The following ZNF428 variants were observed in gnomAD, a reference collection of about 807,000 sequenced individuals.
The protein encoded by ZNF428 is enzyme-like protein PIT13.
In ZNF428, 5 loss-of-function variants were observed where a neutral mutation model predicts 15.6. The observed-to-expected ratio is 0.32, with a 90% CI of 0.17 to 0.67. ZNF428 has a LOEUF of 0.67. ZNF428 is among the 30% of genes least tolerant of loss of function. The pLI, the probability that ZNF428 is intolerant of heterozygous loss-of-function variation, is 0.73. For synonymous variants in ZNF428, 97 were observed against 102.2 expected, an observed-to-expected ratio of 0.95 and a Z score of 0.31; for missense variants, 237 against 256.0, an observed-to-expected ratio of 0.93 and a Z score of 0.51.
chr19:43,613,749 G>A, intron 2 of ZNF428: 3 of 1,551,604 alleles, frequency 1.9e-6, no homozygotes, highest in Non-Finnish European at 2.6e-6. Flanking sequence ...AACAAGGAGA[G>A]AGATCGCAGC....
intron 2 of ZNF428, chr19:43,613,997 G>A (rs1973344018): frequency 1.3e-6 from 2 of 1,551,756 alleles, no homozygotes; most frequent in Non-Finnish European, 1.7e-6. Flanking sequence ...CCCCAGCAAA[G>A]AAGGAAATCA....
intron 1 of ZNF428, 117 bp from the exon 2 acceptor site, chr19:43,614,551 C>G (rs1046194480): frequency 1.1e-6 from 1 of 888,632 alleles, no homozygotes; most frequent in Non-Finnish European, 1.6e-6. Context: ...GACCCCAGCT[C>G]TGTCCCTGAC....
chr19:43,612,491 C>G lies in ZNF428; in HGVS notation c.76+1738G>C. On this transcript the variant is annotated intron_variant, in intron 2 of 2. Coordinates refer to ENST00000300811, the MANE Select transcript of ZNF428 (RefSeq NM_182498.4). The surrounding 1 kb of genome is among the most constrained non-coding windows in gnomAD (Gnocchi z 4.2). ...GGGCACACACAGCCGGGGTAGGACA[C>G]CTGGCAGAAGGGGAAGCCGCAGCTC... 6.4e-7 allele frequency: 1 copy of G among 1,551,352 alleles called. No homozygotes were observed.
chr19:43,617,922 C>T (rs1322069708), intron 1 of ZNF428, among the ~76,000 whole-genome samples: 2 of 151,822 alleles, frequency 1.3e-5, no homozygotes, highest in African/African-American at 2.4e-5. Flanking sequence ...AGCGCAGTAG[C>T]GCGATCTCGG....
chr19:43,607,841 A>G lies in ZNF428; in HGVS notation c.343T>C (p.Cys115Arg). 6.4e-7 allele frequency: 1 copy of G among 1,559,148 alleles called. No individual in the cohort carries two copies. Among genetic ancestry groups the G allele is most frequent in the Non-Finnish European group, 8.7e-7 (1 of 1,151,324 alleles). ...GCTTCCTGGGGGGCTGTAGCAGGGC[A>G]GCAGAGCCGGCAGGGTGGGGTTCCC... ...PPGTPPCRLC[C>R]PATAPQEAPA... The change falls in exon 3 of 3, where the codon TGC (cysteine) becomes CGC (arginine). Residue 115 changes from cysteine (C) to arginine (R), a missense_variant. Cys to Arg is a radical substitution (Grantham distance 180). Transcript: ENST00000300811. This position sits in a 1 kb window ranked among gnomAD's most constrained non-coding sequence, Gnocchi z 5.1.
chr19:43,612,067 C>T lies in ZNF428; in HGVS notation c.76+2162G>A. On this transcript the variant is annotated intron_variant, in intron 2 of 2. Transcript: ENST00000300811. The surrounding 1 kb of genome is among the most constrained non-coding windows in gnomAD (Gnocchi z 4.2). ...CAATCAGGTCATCGTCCACGGCTAC[C>T]AGGTGTTTCATGTCTACTGTGACTT... is the stretch of plus-strand genomic sequence containing the variant. The T allele has an allele frequency of 1.5e-6, 2 of 1,325,784 alleles. No individual in the cohort carries two copies. Among genetic ancestry groups the T allele is most frequent in the East Asian group, 2.5e-5 (1 of 39,788 alleles). The allele number at this position is 1,325,784 out of a possible 1,614,324, so 82.1% of individuals were successfully genotyped here.
At chr19:43,619,111 G>C (rs942811343) in intron 1 of ZNF428, among the ~76,000 whole-genome samples, 2 of 152,200 alleles carry the variant, frequency 1.3e-5, no homozygotes, top group African/African-American at 2.4e-5. Context: ...CTCGAGCAAA[G>C]AGACCAGGGC....
At chr19:43,616,300 T>C (rs986216926) in intron 1 of ZNF428, among the ~76,000 whole-genome samples, 1 of 151,810 alleles carries the variant, frequency 6.6e-6, no homozygotes. Flanking sequence ...CTATACTAGT[T>C]TGTGATTATC....
intron 1 of ZNF428, among the ~76,000 whole-genome samples, chr19:43,616,196 G>A (rs977060185): frequency 6.6e-6 from 1 of 152,138 alleles, no homozygotes; most frequent in Non-Finnish European, 1.5e-5. Context: ...CCACAAGGGG[G>A]GTCCAAAGTG....
intron 2 of ZNF428, among the ~76,000 whole-genome samples, chr19:43,608,940 C>CA (rs201526533): frequency 0.072 from 4,483 of 62,344 alleles, 98 homozygotes; most frequent in African/African-American, 0.11. Context: ...TAGAAAAAAG[C>CA]AAAAAAAAAA....
rs2005852 is a variant in ZNF428 at position 43,607,411 on chromosome 19, G to A, written c.*206C>T. On this transcript the variant is annotated 3_prime_UTR_variant, in exon 3 of 3. Transcript: ENST00000300811. The surrounding 1 kb of genome is among the most constrained non-coding windows in gnomAD (Gnocchi z 5.1). Reference sequence around the variant, plus strand: ...CACACACACAAACACACACACGGGCGGGAATACACACACACACACACACAC... The same window carrying A: ...CACACACACAAACACACACACGGGCAGGAATACACACACACACACACACAC... 3.7e-5 allele frequency: 20 copies of A among 545,300 alleles called. No homozygotes were observed. The highest frequency in any genetic ancestry group is 2.7e-4 in the Middle Eastern group (1 of 3,656). The allele number at this position is 545,300 out of a possible 1,614,324, so 33.8% of individuals were successfully genotyped here.
At chr19:43,608,206 T>C in intron 2 of ZNF428, 99 bp from the exon 3 acceptor site, 1 of 1,499,686 alleles carries the variant, frequency 6.7e-7, no homozygotes, top group South Asian at 1.3e-5. Context: ...CTTGCCATAG[T>C]ATGACAAGGA....
chr19:43,609,192 G>A (rs1266157048), intron 2 of ZNF428, among the ~76,000 whole-genome samples: 1 of 152,108 alleles, frequency 6.6e-6, no homozygotes, highest in Non-Finnish European at 1.5e-5. Context: ...GAGGCACAGG[G>A]AGGCTAGACG....
At chr19:43,619,256 T>C (rs1973410261) in intron 1 of ZNF428, among the ~76,000 whole-genome samples, 1 of 152,014 alleles carries the variant, frequency 6.6e-6, no homozygotes, top group Admixed American at 6.6e-5. Flanking sequence ...TCCAGGACGG[T>C]CAGCGGCAGG....
intron 1 of ZNF428, among the ~76,000 whole-genome samples, chr19:43,618,063 CT>C (rs1457534811): frequency 1.0e-5 from 1 of 96,692 alleles, no homozygotes; most frequent in Non-Finnish European, 1.9e-5. Flanking sequence ...GAGACGGAGT[CT>C]TGCTCTGTCG....
intron 2 of ZNF428, among the ~76,000 whole-genome samples, chr19:43,608,777 A>G (rs1055608358): frequency 1.3e-5 from 2 of 151,266 alleles, no homozygotes; most frequent in African/African-American, 2.4e-5. Flanking sequence ...AAAATACAAA[A>G]ATTAGCTGGG....
At chr19:43,609,359 G>GGAGAGAGAGAGAGAGAGAAAGAGAGAGA (rs369453719) in intron 2 of ZNF428, among the ~76,000 whole-genome samples, 3 of 81,762 alleles carry the variant, frequency 3.7e-5, no homozygotes, top group Non-Finnish European at 9.1e-5. Context: ...CTGTGGCCAT[G>GGAGAGAGAGAGAGAGAGAAAGAGAGAGA]GAGAGAGAGA....
intron 1 of ZNF428, among the ~76,000 whole-genome samples, chr19:43,617,855 ATTTATTTAT>A (rs984224768): frequency 2.0e-5 from 3 of 150,812 alleles, no homozygotes; most frequent in African/African-American, 7.3e-5. Flanking sequence ...GCCCTTATTT[ATTTATTTAT>A]TTAATTTTCT....
intron 1 of ZNF428, among the ~76,000 whole-genome samples, 163 bp downstream of exon 1, chr19:43,619,395 C>G (rs892134634): frequency 6.6e-6 from 1 of 152,236 alleles, no homozygotes; most frequent in Non-Finnish European, 1.5e-5. Context: ...CCAGGATGCC[C>G]CAGGGCGGCA....
Sources: allele counts gnomAD v4.1 joint callset (sites outside exome capture counted in the v4.1 genomes callset), GRCh38; gene constraint gnomAD v4.1.1; non-coding constraint Gnocchi (gnomAD v3.1); transcripts MANE v1.5; gene names NCBI Gene and HGNC (gene_info 2026-07-23, HGNC 2026-07-21).